TANC2: variants seen among roughly 807,000 people sequenced by gnomAD.
The protein encoded by TANC2 is tetratricopeptide repeat, ankyrin repeat and coiled-coil containing 2.
TANC2 carries 26 observed loss-of-function variants against 210.5 expected under a neutral mutation model. The ratio of observed to expected loss-of-function variants is 0.12; its 90% CI spans 0.09 to 0.17. TANC2 has a LOEUF of 0.17. Among genes scored for constraint, TANC2 ranks in the 10% least tolerant of loss-of-function variants. The probability of loss-of-function intolerance (pLI) is 1.00; values close to 1 mark genes in which losing one functional copy is unlikely to be tolerated. For synonymous variants in TANC2, 931 were observed against 967.1 expected, an observed-to-expected ratio of 0.96 and a Z score of 0.69; for missense variants, 2,129 against 2,608.9, an observed-to-expected ratio of 0.82 and a Z score of 4.01.
Position 63,308,652 on chromosome 17 carries a change from A to G in TANC2, c.1160-5736A>G, listed in dbSNP as rs2146543338. Among the ~76,000 whole-genome samples, 3 of 152,330 alleles carry G rather than the reference A, an allele frequency of 2.0e-5. No homozygotes were observed. In the South Asian group the frequency reaches 6.2e-4, roughly 32 times the overall value. ...ATATACTTTGTTTTCATTTTCTAAAAATGTATACACAGTAAAAGTGGGAGA... is the reference window on the plus strand; with the variant it reads ...ATATACTTTGTTTTCATTTTCTAAAGATGTATACACAGTAAAAGTGGGAGA... On this transcript the variant is annotated intron_variant, in intron 9 of 27. Coordinates refer to ENST00000689528, the Ensembl canonical transcript of TANC2.
chr17:62,989,836 A>G (rs1555744476), intron 1 of TANC2, among the ~76,000 whole-genome samples: 1 of 147,958 alleles, frequency 6.8e-6, no homozygotes, highest in Non-Finnish European at 1.5e-5. Flanking sequence ...CAGTGGCGCA[A>G]TCTTGGCTCA....
chr17:63,328,192 G>A (rs2045712919), intron 11 of TANC2, among the ~76,000 whole-genome samples: 1 of 152,178 alleles, frequency 6.6e-6, no homozygotes, highest in African/African-American at 2.4e-5. Context: ...TCACTTGAGG[G>A]TGGAAAGTAG....
At chr17:63,340,684 C>G (rs966794743) in intron 12 of TANC2, among the ~76,000 whole-genome samples, 11 of 152,004 alleles carry the variant, frequency 7.2e-5, no homozygotes, top group Non-Finnish European at 1.5e-4. Flanking sequence ...GTTAGAAATC[C>G]CCCCTGTAAT....
At chr17:63,408,309 A>G (rs766806366) in intron 21 of TANC2, among the ~76,000 whole-genome samples, 3 of 152,224 alleles carry the variant, frequency 2.0e-5, no homozygotes, top group Non-Finnish European at 4.4e-5. Flanking sequence ...CATTTGGGAG[A>G]ATTGTGATTT....
intron 11 of TANC2, among the ~76,000 whole-genome samples, chr17:63,327,480 C>CT (rs1473625398): frequency 6.6e-6 from 1 of 152,144 alleles, no homozygotes; most frequent in African/African-American, 2.4e-5. Context: ...TGAATGGATT[C>CT]TTTAAGTGTG....
chr17:63,264,681 G>A (rs1266344045), intron 8 of TANC2, among the ~76,000 whole-genome samples: 1 of 152,118 alleles, frequency 6.6e-6, no homozygotes, highest in Non-Finnish European at 1.5e-5. Context: ...TAGTGTATAT[G>A]GAAAGTAAAC....
At chr17:63,127,706 G>C (rs1276917512) in intron 4 of TANC2, among the ~76,000 whole-genome samples, 1 of 152,124 alleles carries the variant, frequency 6.6e-6, no homozygotes, top group East Asian at 1.9e-4. Context: ...TCTAAATATT[G>C]ACAATTAGTG....
intron 9 of TANC2, among the ~76,000 whole-genome samples, chr17:63,285,302 C>G (rs1230433336): frequency 1.3e-5 from 2 of 151,944 alleles, no homozygotes; most frequent in African/African-American, 4.8e-5. Context: ...TCTCATCCTG[C>G]TTTTCTCTAT....
chr17:63,249,088 A>G (rs2042989839), intron 8 of TANC2, among the ~76,000 whole-genome samples: 1 of 152,168 alleles, frequency 6.6e-6, no homozygotes, highest in South Asian at 2.1e-4. Flanking sequence ...TTAACACTCC[A>G]TGTTCCACAT....
At chr17:63,302,248 A>G (rs900626516) in intron 9 of TANC2, among the ~76,000 whole-genome samples, 3 of 152,296 alleles carry the variant, frequency 2.0e-5, no homozygotes, top group South Asian at 2.1e-4. Flanking sequence ...AAGAATGTCT[A>G]TTCTGTTGAT....
chr17:63,051,864 T>G (rs1477069487), intron 2 of TANC2, among the ~76,000 whole-genome samples: 1 of 152,168 alleles, frequency 6.6e-6, no homozygotes, highest in East Asian at 1.9e-4. Context: ...ACATTTAAGG[T>G]AGAGTAGGTT....
chr17:63,166,005 A>G (rs987314668), intron 5 of TANC2, among the ~76,000 whole-genome samples: 6 of 152,210 alleles, frequency 3.9e-5, no homozygotes, highest in African/African-American at 9.7e-5. Context: ...CATTTAAGCC[A>G]AATAGTCATC....
At chr17:63,255,903 CTTTTTTTTTTT>C (rs1170508286) in intron 8 of TANC2, among the ~76,000 whole-genome samples, 2 of 84,274 alleles carry the variant, frequency 2.4e-5, no homozygotes, top group South Asian at 4.0e-4. Flanking sequence ...TTTGACTTTT[CTTTTTTTTTTT>C]TTTTTTTTTT....
intron 2 of TANC2, among the ~76,000 whole-genome samples, chr17:63,040,615 G>A (rs775646533): frequency 2.6e-5 from 4 of 152,086 alleles, no homozygotes; most frequent in Non-Finnish European, 5.9e-5. Flanking sequence ...TGTAAAAAGA[G>A]GGAAAATACT....
At chr17:63,064,206 G>A (rs1043309140) in intron 2 of TANC2, among the ~76,000 whole-genome samples, 11 of 152,116 alleles carry the variant, frequency 7.2e-5, no homozygotes, top group African/African-American at 2.7e-4. Context: ...TGTAATCCTA[G>A]CCGTTTGAGA....
chr17:63,255,913 T>C (rs2043181760), intron 8 of TANC2, among the ~76,000 whole-genome samples: 1 of 145,122 alleles, frequency 6.9e-6, no homozygotes, highest in Admixed American at 6.8e-5. Flanking sequence ...CTTTTTTTTT[T>C]TTTTTTTTTT....
At chr17:63,201,040 T>C in intron 7 of TANC2, 83 bp downstream of exon 7, 1 of 1,314,544 alleles carries the variant, frequency 7.6e-7, no homozygotes, top group African/African-American at 1.5e-5. Context: ...TTTTAAAAAT[T>C]CTGCTTTTGA....
chr17:63,254,340 C>G (rs2043131107), intron 8 of TANC2, among the ~76,000 whole-genome samples: 1 of 152,064 alleles, frequency 6.6e-6, no homozygotes, highest in Non-Finnish European at 1.5e-5. Context: ...TATCCTGCTA[C>G]TTTACTGAAT....
chr17:63,194,025 T>C lies in TANC2; in HGVS notation c.468T>C (p.Ser156=), dbSNP rs745509560. The C allele has an allele frequency of 2.3e-5, 37 of 1,613,136 alleles. 1 individual carries two copies. The South Asian group carries it at 4.0e-4, about 17-fold the overall frequency. ...AACAGGAGCTTGGCCCCCCTCCATC[T>C]GTAGATGAGGCAGCAAACACACTCA... Residue 156 remains serine, a synonymous_variant, in exon 6 of 28, where the codon TCT becomes TCC. Coordinates refer to ENST00000689528, the Ensembl canonical transcript of TANC2.
Sources: gnomAD v4.1 joint callset for allele counts (sites outside exome capture counted in the v4.1 genomes callset) on GRCh38, gnomAD v4.1.1 for gene constraint, MANE v1.5 for transcripts, NCBI Gene and HGNC (gene_info 2026-07-23, HGNC 2026-07-21) for gene names.